The following SYT16 variants were observed in gnomAD, a reference collection of about 807,000 sequenced individuals.
SYT16 encodes the protein synaptotagmin 16, also known as synaptotagmin-16.
Under a neutral mutation model 61.4 loss-of-function variants are expected in SYT16, and 42 were observed. The ratio of observed to expected loss-of-function variants is 0.68; its 90% confidence interval spans 0.53 to 0.89. The LOEUF (loss-of-function observed/expected upper bound fraction) is 0.89, where lower values mean the gene tolerates loss of function less well. Ranked by LOEUF, SYT16 falls within the 40% of genes least tolerant of loss-of-function variation. The pLI, the probability that SYT16 is intolerant of heterozygous loss-of-function variation, is 0.00. For synonymous variants in SYT16, 314 were observed against 302.3 expected, an observed-to-expected ratio of 1.04 and a Z score of -0.40; for missense variants, 804 against 807.3, an observed-to-expected ratio of 1.00 and a Z score of 0.05.
At chr14:61,954,628 A>T (rs927856976) in intron 1 of SYT16, among the ~76,000 whole-genome samples, 5 of 152,168 alleles carry the variant, frequency 3.3e-5, no homozygotes, top group Admixed American at 6.6e-5. Flanking sequence ...CTTGTCATCT[A>T]TAGCAGATGA....
chr14:61,951,414 G>A (rs2050665112), intron 1 of SYT16, among the ~76,000 whole-genome samples: 1 of 152,134 alleles, frequency 6.6e-6, no homozygotes, highest in African/African-American at 2.4e-5. Context: ...CTTTTTAAGG[G>A]TATTGGATTA....
At chr14:61,902,890 G>A (rs1422214944) in intron 1 of SYT16, among the ~76,000 whole-genome samples, 2 of 152,118 alleles carry the variant, frequency 1.3e-5, no homozygotes, top group Admixed American at 1.3e-4. Context: ...AGAACAGTAT[G>A]GGGGAAACTG....
At chr14:61,918,851 A>T (rs1473784942) in intron 1 of SYT16, among the ~76,000 whole-genome samples, 1 of 152,118 alleles carries the variant, frequency 6.6e-6, no homozygotes, top group Admixed American at 6.6e-5. Context: ...TGAGAGAGAA[A>T]ATTATTAGTG....
intron 1 of SYT16, among the ~76,000 whole-genome samples, chr14:61,826,299 C>G (rs1326574181): frequency 6.6e-6 from 1 of 151,994 alleles, no homozygotes; most frequent in African/African-American, 2.4e-5. Context: ...AACTGGGGTA[C>G]CCAGAGAAAA....
intron 5 of SYT16, among the ~76,000 whole-genome samples, chr14:62,075,782 CTA>C: frequency 6.6e-6 from 1 of 152,154 alleles, no homozygotes; most frequent in Middle Eastern, 3.4e-3. Context: ...TAAGTGGAGT[CTA>C]TTTTTATTTA....
intron 3 of SYT16, among the ~76,000 whole-genome samples, chr14:62,044,236 C>A (rs973263107): frequency 6.6e-6 from 1 of 151,454 alleles, no homozygotes; most frequent in Non-Finnish European, 1.5e-5. Flanking sequence ...AGAGAAATTA[C>A]AGTATTCCTG....
rs1566817555 is a variant in SYT16, at chr14:62,069,699, GT to G, written c.623del (p.Phe208SerfsTer4). 4 of 1,613,956 alleles carry G rather than the reference GT, an allele frequency of 2.5e-6. No homozygotes were observed. In the African/African-American group the frequency reaches 5.3e-5, roughly 22 times the overall value. ...QFEISVSRSQSFRSVTSEKGK... is the reference protein window; with the variant it reads ...QFEISVSRSQXFRSVTSEKGK... ...GAGATTTCCGTGTCCCGGTCCCAGA[GT>G]TTCCGTTCAGTGACATCTGAGAAAG... On this transcript the variant is annotated frameshift_variant, in exon 4 of 8. Coordinates refer to ENST00000683842, the MANE Select transcript of SYT16 (RefSeq NM_001367656.1). LOFTEE classifies it high-confidence loss of function.
intron 1 of SYT16, among the ~76,000 whole-genome samples, chr14:61,956,803 A>T (rs1002258839): frequency 6.6e-6 from 1 of 150,780 alleles, no homozygotes; most frequent in Non-Finnish European, 1.5e-5. Flanking sequence ...TATGATTTCA[A>T]ATAAGCTTTA....
At chr14:62,022,697 A>G (rs1417862366) in intron 3 of SYT16, among the ~76,000 whole-genome samples, 1 of 152,092 alleles carries the variant, frequency 6.6e-6, no homozygotes. Context: ...GTTTTAAAAA[A>G]TGTACTTCAG....
At chr14:61,941,838 G>C (rs1428523220) in intron 1 of SYT16, among the ~76,000 whole-genome samples, 1 of 152,186 alleles carries the variant, frequency 6.6e-6, no homozygotes, top group African/African-American at 2.4e-5. Flanking sequence ...GTGAACAATT[G>C]AAAGGATTTG....
chr14:62,002,387 C>G (rs1037543774), intron 3 of SYT16, among the ~76,000 whole-genome samples: 1 of 152,122 alleles, frequency 6.6e-6, no homozygotes, highest in Non-Finnish European at 1.5e-5. Flanking sequence ...TTGGCTCCAT[C>G]TTTAACATCG....
At chr14:62,037,632 T>C (rs2054562695) in intron 3 of SYT16, among the ~76,000 whole-genome samples, 2 of 151,084 alleles carry the variant, frequency 1.3e-5, no homozygotes, top group African/African-American at 5.0e-5. Flanking sequence ...TAATTATTAA[T>C]GTGTTTTATT....
chr14:61,824,406 G>A (rs2045708182), intron 1 of SYT16, among the ~76,000 whole-genome samples: 1 of 152,058 alleles, frequency 6.6e-6, no homozygotes, highest in South Asian at 2.1e-4. Flanking sequence ...AGGCTGGAGT[G>A]CAGTGGCAGG....
intron 2 of SYT16, among the ~76,000 whole-genome samples, chr14:61,974,384 A>G (rs548008857): frequency 7.2e-5 from 11 of 152,328 alleles, no homozygotes; most frequent in Admixed American, 3.3e-4. Context: ...CCTTGTGCTT[A>G]GCTTAGTGAT....
At chr14:61,920,575 C>T (rs551377205) in intron 1 of SYT16, among the ~76,000 whole-genome samples, 78 of 152,298 alleles carry the variant, frequency 5.1e-4, no homozygotes, top group Non-Finnish European at 9.1e-4. Flanking sequence ...AGGTCCAGGC[C>T]TGTCTCTAGA....
chr14:62,085,913 C>A (rs1188541727), intron 7 of SYT16, among the ~76,000 whole-genome samples: 2 of 152,184 alleles, frequency 1.3e-5, no homozygotes, highest in Admixed American at 1.3e-4. Flanking sequence ...ACTACTTTGC[C>A]TTCTGAACTT....
At chr14:61,844,777 C>A (rs1428354028) in intron 1 of SYT16, among the ~76,000 whole-genome samples, 1 of 152,066 alleles carries the variant, frequency 6.6e-6, no homozygotes, top group Non-Finnish European at 1.5e-5. Context: ...TTGTTGAATT[C>A]CATTTGGTAA....
intron 1 of SYT16, chr14:61,865,260 T>G (rs949613707): frequency 1.8e-5 from 15 of 841,544 alleles, no homozygotes; most frequent in Non-Finnish European, 2.8e-5. Flanking sequence ...AAGATGGAGG[T>G]GAGCATCTGT....
intron 1 of SYT16, among the ~76,000 whole-genome samples, chr14:61,876,784 G>A (rs933989518): frequency 1.2e-4 from 18 of 152,296 alleles, no homozygotes; most frequent in African/African-American, 4.1e-4. Context: ...CTTTTGCCCC[G>A]CAGGTAGGTA....
Sources: allele counts gnomAD v4.1 joint callset (sites outside exome capture counted in the v4.1 genomes callset), GRCh38; gene constraint gnomAD v4.1.1; transcripts MANE v1.5; gene names NCBI Gene and HGNC (gene_info 2026-07-23, HGNC 2026-07-21).